ATF6: variants seen among roughly 807,000 people sequenced by gnomAD.
The protein encoded by ATF6 is cyclic AMP-dependent transcription factor ATF-6 alpha.
Under a neutral mutation model 83.6 loss-of-function variants are expected in ATF6, and 53 were observed. That is an observed-to-expected ratio of 0.63 (90% CI 0.51 to 0.80). ATF6 has a LOEUF of 0.80. Ranked by LOEUF, ATF6 falls within the 30% of genes least tolerant of loss-of-function variation. The pLI is 0.00. For missense variants in ATF6, 744 were observed against 797.9 expected, an observed-to-expected ratio of 0.93 and a Z score of 0.81; for synonymous variants, 288 against 285.8, an observed-to-expected ratio of 1.01 and a Z score of -0.08.
At chr1:161,808,113 C>G (rs1357980136) in intron 7 of ATF6, among the ~76,000 whole-genome samples, 1 of 151,928 alleles carries the variant, frequency 6.6e-6, no homozygotes, top group Non-Finnish European at 1.5e-5. Flanking sequence ...CTCCTGGCCT[C>G]AAGTGATCCA....
intron 14 of ATF6, among the ~76,000 whole-genome samples, chr1:161,888,005 G>T (rs1261978083): frequency 6.6e-6 from 1 of 152,180 alleles, no homozygotes; most frequent in Admixed American, 6.5e-5. Context: ...ACTGCTGATT[G>T]CTGACGTCTA....
At chr1:161,953,339 T>C (rs1037615186) in intron 15 of ATF6, among the ~76,000 whole-genome samples, 2 of 152,312 alleles carry the variant, frequency 1.3e-5, no homozygotes, top group Non-Finnish European at 2.9e-5. Flanking sequence ...CACTAAATTT[T>C]AGTAATACCC....
chr1:161,913,986 A>G (rs1006184753), intron 15 of ATF6, among the ~76,000 whole-genome samples: 14 of 152,362 alleles, frequency 9.2e-5, no homozygotes, highest in African/African-American at 3.1e-4. Flanking sequence ...TATCTTGGCC[A>G]GGTGACTGAT....
chr1:161,826,931 A>ATTTT (rs11376981), intron 9 of ATF6, among the ~76,000 whole-genome samples: 16 of 129,604 alleles, frequency 1.2e-4, no homozygotes, highest in African/African-American at 1.5e-4. Flanking sequence ...GATTGGCCCC[A>ATTTT]TTTTTTTTTT....
chr1:161,784,668 A>G (rs1027889233), intron 4 of ATF6, among the ~76,000 whole-genome samples: 4 of 152,232 alleles, frequency 2.6e-5, no homozygotes, highest in Non-Finnish European at 5.9e-5. Context: ...GGAAAGTATA[A>G]GAATAAAAAA....
At chr1:161,819,941 TA>T (rs1270047842) in intron 8 of ATF6, 123 bp downstream of exon 8, 3 of 908,822 alleles carry the variant, frequency 3.3e-6, no homozygotes, top group Non-Finnish European at 4.7e-6. Flanking sequence ...AAGGAGGGTA[TA>T]ATAAGTCCTA....
At chr1:161,768,628 A>G (rs776125844) in intron 1 of ATF6, among the ~76,000 whole-genome samples, 4 of 152,076 alleles carry the variant, frequency 2.6e-5, no homozygotes, top group Non-Finnish European at 2.9e-5. Flanking sequence ...CGGTGATGCA[A>G]TCATAGTTCA....
chr1:161,907,095 G>A (rs887116359), intron 14 of ATF6, among the ~76,000 whole-genome samples: 1 of 152,090 alleles, frequency 6.6e-6, no homozygotes, highest in African/African-American at 2.4e-5. Flanking sequence ...AGCACATTTG[G>A]TTTTTGATCA....
rs558363232 is a variant in ATF6, at chr1:161,878,408, C to A, written c.1719+15096C>A. Among the ~76,000 whole-genome samples the A allele has an allele frequency of 2.6e-5, 4 of 152,266 alleles. No homozygotes were observed. In the South Asian group the frequency reaches 8.3e-4, roughly 32 times the overall value. ...GTGATTATAGGCATGAGCCATCACACCCGGTCAGCTTACACACATTATCTC... is the reference window on the plus strand; with the variant it reads ...GTGATTATAGGCATGAGCCATCACAACCGGTCAGCTTACACACATTATCTC... On this transcript the variant is annotated intron_variant, in intron 14 of 15. Coordinates refer to ENST00000367942, the MANE Select transcript of ATF6 (RefSeq NM_007348.4).
At chr1:161,860,869 T>C (rs1242113739) in intron 13 of ATF6, among the ~76,000 whole-genome samples, 2 of 152,198 alleles carry the variant, frequency 1.3e-5, no homozygotes, top group African/African-American at 4.8e-5. Context: ...AAGAGAATGC[T>C]GTATCTACAG....
chr1:161,846,333 T>G, intron 9 of ATF6, 116 bp from the exon 10 acceptor site: 1 of 1,176,470 alleles, frequency 8.5e-7, no homozygotes, highest in Non-Finnish European at 1.2e-6. Flanking sequence ...TGCCTAGCAT[T>G]TTTGTTACGT....
intron 14 of ATF6, among the ~76,000 whole-genome samples, chr1:161,865,110 T>A (rs1686964500): frequency 6.6e-6 from 1 of 152,134 alleles, no homozygotes; most frequent in South Asian, 2.1e-4. Flanking sequence ...GTTAGTAATG[T>A]TTTTCTAAGG....
chr1:161,841,881 A>C (rs1449067091), intron 9 of ATF6, among the ~76,000 whole-genome samples: 1 of 152,198 alleles, frequency 6.6e-6, no homozygotes, highest in Admixed American at 6.5e-5. Flanking sequence ...GTGATTATAG[A>C]GCAGCCTGGA....
Position 161,822,544 on chromosome 1 carries a change from A to T in ATF6, c.1187+1383A>T, listed in dbSNP as rs1310959975. On this transcript the variant is annotated intron_variant, in intron 9 of 15. Coordinates refer to ENST00000367942, the MANE Select transcript of ATF6 (RefSeq NM_007348.4). ...TTAAAATTGAATGATCTCTTTTTTA[A>T]AAAAAAACATTTTTTATGAAGATTT... Among the ~76,000 whole-genome samples, 15 of 89,686 alleles carry T rather than the reference A, an allele frequency of 1.7e-4. No individual in the cohort carries two copies. The East Asian group carries it at 1.7e-3, about 10-fold the overall frequency. The allele number at this position is 89,686 out of a possible 152,430, so 58.8% of individuals were successfully genotyped here.
intron 9 of ATF6, among the ~76,000 whole-genome samples, chr1:161,837,576 A>G (rs1263150020): frequency 5.3e-5 from 8 of 151,888 alleles, no homozygotes; most frequent in Non-Finnish European, 1.2e-4. Flanking sequence ...AGAATTCCCA[A>G]TAAAGCAGAT....
At position 161,830,188 on chromosome 1, in the gene ATF6, C is replaced by T. The variant is rs557519692; in HGVS notation, c.1187+9027C>T. 3.3e-4 allele frequency among the ~76,000 whole-genome samples: 50 copies of T among 152,298 alleles called. No homozygotes were observed. The East Asian group carries it at 9.3e-3, about 28-fold the overall frequency. ...CAGAGAGCCAAATCATGAGTGAACT[C>T]CCATTCACAATTGCTTCAAAGAGAA... On this transcript the variant is annotated intron_variant, in intron 9 of 15. Coordinates refer to ENST00000367942, the MANE Select transcript of ATF6 (RefSeq NM_007348.4).
intron 6 of ATF6, among the ~76,000 whole-genome samples, chr1:161,799,253 A>G (rs912524168): frequency 6.6e-6 from 1 of 152,226 alleles, no homozygotes; most frequent in Non-Finnish European, 1.5e-5. Context: ...ACAGCCATAA[A>G]AAAGAATGAA....
chr1:161,870,826 G>A (rs917726821), intron 14 of ATF6, among the ~76,000 whole-genome samples: 16 of 151,702 alleles, frequency 1.1e-4, no homozygotes, highest in African/African-American at 3.1e-4. Context: ...AGAATAATAC[G>A]AAGTCTTCAA....
chr1:161,768,715 C>T (rs6699833), intron 1 of ATF6, among the ~76,000 whole-genome samples: 1,983 of 152,160 alleles, frequency 0.013, 50 homozygotes, highest in African/African-American at 0.045. Flanking sequence ...AGGTGCACAC[C>T]GCTACCATGC....
Sources: gnomAD v4.1 joint callset for allele counts (sites outside exome capture counted in the v4.1 genomes callset) on GRCh38, gnomAD v4.1.1 for gene constraint, MANE v1.5 for transcripts, NCBI Gene and HGNC (gene_info 2026-07-23, HGNC 2026-07-21) for gene names.